The following PPFIBP1 variants were observed in gnomAD, a reference collection of about 807,000 sequenced individuals.
The protein encoded by PPFIBP1 is PPFIB scaffold protein 1.
In PPFIBP1, 112 loss-of-function variants were observed where a neutral mutation model predicts 137.8. That is an observed-to-expected ratio of 0.81 (90% CI 0.70 to 0.95). PPFIBP1 has a LOEUF of 0.95. Among genes scored for constraint, PPFIBP1 ranks in the 40% least tolerant of loss-of-function variants. PPFIBP1 has a pLI of 0.00. For missense variants in PPFIBP1, 1,083 were observed against 1,196.6 expected (o/e 0.91, Z 1.40); for synonymous variants, 378 against 417.3 (o/e 0.91, Z 1.15).
At chr12:27,562,985 C>G (rs2049284066) in intron 1 of PPFIBP1, among the ~76,000 whole-genome samples, 1 of 151,806 alleles carries the variant, frequency 6.6e-6, no homozygotes. Context: ...AGATGTCTCC[C>G]CACGCTGCCT....
At chr12:27,581,318 G>C (rs568975171) in intron 2 of PPFIBP1, among the ~76,000 whole-genome samples, 11 of 152,310 alleles carry the variant, frequency 7.2e-5, no homozygotes, top group Non-Finnish European at 1.6e-4. Flanking sequence ...GATGATAGTG[G>C]TGAATGCTGT....
In PPFIBP1 at chr12:27,655,123, C is replaced by T. The variant is rs772639621; in HGVS notation, c.696+309C>T. Reference sequence around the variant, plus strand: ...TTTTTCTATCTGTAGTTTTCTTTCACTCCTCTGTCTCTCTACCAGTCTTTA... The same window carrying T: ...TTTTTCTATCTGTAGTTTTCTTTCATTCCTCTGTCTCTCTACCAGTCTTTA... On this transcript the variant is annotated intron_variant, in intron 8 of 29. Transcript: ENST00000228425. The T allele has an allele frequency of 1.8e-5, 27 of 1,481,040 alleles. 1 individual carries two copies. In the Admixed American group the frequency reaches 2.2e-4, roughly 12 times the overall value. 91.7% of individuals were successfully genotyped at this position (1,481,040 alleles called of 1,614,324 possible).
chr12:27,587,517 G>A (rs2051916572), intron 2 of PPFIBP1, among the ~76,000 whole-genome samples: 1 of 151,072 alleles, frequency 6.6e-6, no homozygotes, highest in South Asian at 2.1e-4. Context: ...CAGCTACTCG[G>A]GAGGCTGAGG....
At chr12:27,623,086 T>C (rs1230187493) in intron 2 of PPFIBP1, among the ~76,000 whole-genome samples, 2 of 152,166 alleles carry the variant, frequency 1.3e-5, no homozygotes, top group Non-Finnish European at 2.9e-5. Flanking sequence ...AAGCAGTCCA[T>C]GTAGCCTGCA....
At chr12:27,578,626 A>G (rs529654300) in intron 2 of PPFIBP1, among the ~76,000 whole-genome samples, 404 of 152,266 alleles carry the variant, frequency 2.7e-3, no homozygotes, top group African/African-American at 9.0e-3. Context: ...TTGACCCATT[A>G]ATGACCCAGT....
intron 3 of PPFIBP1, among the ~76,000 whole-genome samples, chr12:27,633,993 C>A (rs1190656198): frequency 2.0e-5 from 3 of 151,590 alleles, no homozygotes; most frequent in East Asian, 1.9e-4. Context: ...CCCACCACCA[C>A]GCCTGGCTAA....
At chr12:27,644,445 A>G (rs1327843254) in intron 4 of PPFIBP1, among the ~76,000 whole-genome samples, 1 of 151,986 alleles carries the variant, frequency 6.6e-6, no homozygotes, top group Non-Finnish European at 1.5e-5. Context: ...ATCTGTTTCC[A>G]AACTATTGTT....
intron 8 of PPFIBP1, among the ~76,000 whole-genome samples, chr12:27,655,400 G>A (rs1039402640): frequency 2.0e-5 from 3 of 152,268 alleles, no homozygotes; most frequent in Middle Eastern, 3.4e-3. Flanking sequence ...GATCCCTGAT[G>A]TTGTTTTCAG....
intron 2 of PPFIBP1, among the ~76,000 whole-genome samples, chr12:27,578,725 T>A (rs536869211): frequency 2.7e-3 from 404 of 152,348 alleles, no homozygotes; most frequent in African/African-American, 8.9e-3. Context: ...AACTACTATT[T>A]ATTGAGCTTC....
intron 1 of PPFIBP1, among the ~76,000 whole-genome samples, chr12:27,525,255 G>A (rs1943593917): frequency 6.6e-6 from 1 of 152,146 alleles, no homozygotes; most frequent in Non-Finnish European, 1.5e-5. Flanking sequence ...AAAAGAACTT[G>A]ATTTCAAAGT....
chr12:27,627,248 G>T (rs933334469), intron 2 of PPFIBP1, among the ~76,000 whole-genome samples: 1 of 152,100 alleles, frequency 6.6e-6, no homozygotes, highest in Non-Finnish European at 1.5e-5. Context: ...GCACACATTG[G>T]CAATCATTGC....
intron 2 of PPFIBP1, among the ~76,000 whole-genome samples, chr12:27,583,851 C>G (rs1248011321): frequency 6.6e-6 from 1 of 152,168 alleles, no homozygotes; most frequent in Non-Finnish European, 1.5e-5. Context: ...CAGAGGGTGA[C>G]TTTTGTTTCC....
At chr12:27,618,274 G>C (rs868837367) in intron 2 of PPFIBP1, among the ~76,000 whole-genome samples, 1 of 152,138 alleles carries the variant, frequency 6.6e-6, no homozygotes. Context: ...CCCTCCTCTC[G>C]GCCAAGGGCA....
At chr12:27,579,376 A>G (rs968491767) in intron 2 of PPFIBP1, among the ~76,000 whole-genome samples, 1 of 152,228 alleles carries the variant, frequency 6.6e-6, no homozygotes, top group Non-Finnish European at 1.5e-5. Context: ...AATGTCACAA[A>G]GTGAACACAC....
chr12:27,531,192 G>T, intron 1 of PPFIBP1, among the ~76,000 whole-genome samples: 1 of 152,150 alleles, frequency 6.6e-6, no homozygotes, highest in East Asian at 1.9e-4. Flanking sequence ...TCTAATATTG[G>T]CAAGTAACTT....
chr12:27,600,397 C>T (rs1258109617), intron 2 of PPFIBP1, among the ~76,000 whole-genome samples: 2 of 150,910 alleles, frequency 1.3e-5, no homozygotes, highest in Non-Finnish European at 2.9e-5. Flanking sequence ...GATCGGGCCA[C>T]TGCACTCCAG....
intron 24 of PPFIBP1, among the ~76,000 whole-genome samples, chr12:27,686,717 C>A (rs2061222657): frequency 6.6e-6 from 1 of 151,990 alleles, no homozygotes; most frequent in African/African-American, 2.4e-5. Flanking sequence ...TGATTTTCCC[C>A]AAAATTATGA....
intron 11 of PPFIBP1, among the ~76,000 whole-genome samples, chr12:27,663,324 T>G (rs935924204): frequency 2.0e-5 from 3 of 152,204 alleles, no homozygotes; most frequent in Non-Finnish European, 2.9e-5. Context: ...GAGGCCATTT[T>G]CATAACACAG....
At chr12:27,622,153 A>G (rs2056401649) in intron 2 of PPFIBP1, among the ~76,000 whole-genome samples, 1 of 152,040 alleles carries the variant, frequency 6.6e-6, no homozygotes, top group South Asian at 2.1e-4. Flanking sequence ...CATCCTCCCC[A>G]TTTGTTGGGG....
Sources: gnomAD v4.1 joint callset for allele counts (sites outside exome capture counted in the v4.1 genomes callset) on GRCh38, gnomAD v4.1.1 for gene constraint, MANE v1.5 for transcripts, NCBI Gene and HGNC (gene_info 2026-07-23, HGNC 2026-07-21) for gene names.